The following SIPA1L3 variants were observed in gnomAD, a reference collection of about 807,000 sequenced individuals.
SIPA1L3 encodes signal-induced proliferation-associated 1-like protein 3.
Under a neutral mutation model 150.1 loss-of-function variants are expected in SIPA1L3, and 59 were observed. The ratio of observed to expected loss-of-function variants is 0.39; its 90% CI spans 0.32 to 0.49. The LOEUF (loss-of-function observed/expected upper bound fraction) is 0.49, where lower values mean the gene tolerates loss of function less well. Among genes scored for constraint, SIPA1L3 ranks in the 20% least tolerant of loss-of-function variants. The pLI, the probability that SIPA1L3 is intolerant of heterozygous loss-of-function variation, is 0.86. For missense variants in SIPA1L3, 2,211 were observed against 2,489.5 expected (o/e 0.89, Z 2.38); for synonymous variants, 1,070 against 1,077.6 (o/e 0.99, Z 0.14).
chr19:37,947,074 G>T (rs1426994601), intron 1 of SIPA1L3, among the ~76,000 whole-genome samples: 1 of 152,138 alleles, frequency 6.6e-6, no homozygotes, highest in East Asian at 1.9e-4. Context: ...CACACCTGTG[G>T]TCTCAGCTAC....
At chr19:38,097,048 A>C (rs994304232) in intron 4 of SIPA1L3, among the ~76,000 whole-genome samples, 2 of 152,132 alleles carry the variant, frequency 1.3e-5, no homozygotes, top group Non-Finnish European at 2.9e-5. Flanking sequence ...GCTAGATAAC[A>C]AAAGAATACA....
chr19:37,968,450 GT>G, intron 1 of SIPA1L3, among the ~76,000 whole-genome samples: 1 of 152,204 alleles, frequency 6.6e-6, no homozygotes, highest in Middle Eastern at 3.4e-3. Context: ...TCCATTTCTG[GT>G]TTTCATTCCA....
In SIPA1L3 at chr19:38,082,439, G is replaced by C; in HGVS notation, c.874G>C (p.Gly292Arg). 2 of 1,590,824 alleles carry C rather than the reference G, an allele frequency of 1.3e-6. No homozygotes were observed. Among genetic ancestry groups the C allele is most frequent in the Non-Finnish European group, 1.7e-6 (2 of 1,171,000 alleles). The change falls in exon 3 of 22, where the codon GGC becomes CGC. Residue 292 changes from glycine (G) to arginine (R), a missense_variant. Transcript: ENST00000222345. ...KARKKPARGL[G>R]GGDTVDSSIF... ...CCGGAAGAAACCTGCGCGGGGCCTC[G>C]GCGGCGGGGACACGGTGGACTCGTC...
At position 38,116,525 on chromosome 19, in the gene SIPA1L3, C is replaced by CAA. The variant is rs1197701775; in HGVS notation, c.2292-2766_2292-2765dup. ...GCAACAGAGCAGCAAGACTCTGTCT[C>CAA]AAAAAAAAAAAAAAAAGAAAGAAAG... is the stretch of plus-strand genomic sequence containing the variant. On this transcript the variant is annotated intron_variant, in intron 8 of 21. Coordinates refer to ENST00000222345, the MANE Select transcript of SIPA1L3 (RefSeq NM_015073.3). Among the ~76,000 whole-genome samples the CAA allele has an allele frequency of 4.8e-4, 40 of 83,414 alleles. 1 individual carries two copies. Among genetic ancestry groups the CAA allele is most frequent in the African/African-American group, 1.3e-3 (28 of 21,246 alleles). 54.7% of individuals were successfully genotyped at this position (83,414 alleles called of 152,430 possible).
At chr19:38,129,241 G>A (rs1244526197) in intron 9 of SIPA1L3, among the ~76,000 whole-genome samples, 2 of 152,188 alleles carry the variant, frequency 1.3e-5, no homozygotes, top group African/African-American at 4.8e-5. Context: ...GAAGCAGGGA[G>A]TCCTGGAGGC....
At chr19:38,192,346 G>T in intron 17 of SIPA1L3, 36 bp downstream of exon 17, 1 of 1,543,092 alleles carries the variant, frequency 6.5e-7, no homozygotes, top group East Asian at 2.3e-5. Flanking sequence ...CCGACCCCCA[G>T]CTCCCAAGGG....
intron 2 of SIPA1L3, among the ~76,000 whole-genome samples, chr19:38,068,529 C>T (rs753132979): frequency 2.0e-5 from 3 of 152,228 alleles, no homozygotes; most frequent in East Asian, 1.9e-4. Context: ...ACCTGCCCCT[C>T]GTAACCTTTG....
At chr19:38,144,868 G>A (rs1227827288) in intron 12 of SIPA1L3, among the ~76,000 whole-genome samples, 1 of 152,216 alleles carries the variant, frequency 6.6e-6, no homozygotes, top group Non-Finnish European at 1.5e-5. Flanking sequence ...CCTGGAGGAG[G>A]TGACATCTGA....
At chr19:38,002,979 A>G (rs990527742) in intron 1 of SIPA1L3, among the ~76,000 whole-genome samples, 17 of 151,744 alleles carry the variant, frequency 1.1e-4, no homozygotes, top group African/African-American at 3.6e-4. Context: ...CCCGATCTCT[A>G]CTAAAAATAC....
intron 10 of SIPA1L3, among the ~76,000 whole-genome samples, chr19:38,136,808 C>G (rs1231134947): frequency 6.6e-6 from 1 of 152,164 alleles, no homozygotes; most frequent in Non-Finnish European, 1.5e-5. Context: ...TTTCAGATCA[C>G]TGGGGAAGGC....
chr19:38,200,050 G>A (rs546689325), intron 19 of SIPA1L3: 19 of 151,856 alleles, frequency 1.3e-4, no homozygotes, highest in Non-Finnish European at 2.6e-4. Context: ...GCATCGTAGC[G>A]ACACCCTGTC....
chr19:37,925,083 A>G (rs530238571), intron 1 of SIPA1L3, among the ~76,000 whole-genome samples: 94 of 151,862 alleles, frequency 6.2e-4, no homozygotes, highest in Non-Finnish European at 1.1e-3. Flanking sequence ...ACTGTACATG[A>G]TTGTATGTGT....
intron 10 of SIPA1L3, among the ~76,000 whole-genome samples, chr19:38,138,492 T>C (rs1971487613): frequency 1.3e-5 from 2 of 152,164 alleles, no homozygotes; most frequent in Admixed American, 1.3e-4. Context: ...GGCATAGCCA[T>C]ATCCAGGGAC....
At chr19:38,156,403 C>G (rs1296266026) in intron 13 of SIPA1L3, among the ~76,000 whole-genome samples, 1 of 151,448 alleles carries the variant, frequency 6.6e-6, no homozygotes, top group South Asian at 2.1e-4. Context: ...CATTGCCCTT[C>G]CCTTCCCTCT....
chr19:38,162,515 A>G (rs899483566), intron 14 of SIPA1L3, 144 bp downstream of exon 14: 12 of 657,896 alleles, frequency 1.8e-5, no homozygotes, highest in Middle Eastern at 4.1e-4. Context: ...GTTGGAACCA[A>G]CCAGGTTCAC....
At chr19:38,072,435 C>T (rs964945327) in intron 2 of SIPA1L3, among the ~76,000 whole-genome samples, 2 of 152,218 alleles carry the variant, frequency 1.3e-5, no homozygotes, top group African/African-American at 4.8e-5. Context: ...ATAGGGCTGA[C>T]TTTGTGTCCA....
chr19:38,193,974 G>A (rs1356076084), intron 18 of SIPA1L3, among the ~76,000 whole-genome samples, 194 bp downstream of exon 18: 1 of 152,102 alleles, frequency 6.6e-6, no homozygotes, highest in East Asian at 1.9e-4. Flanking sequence ...AGGAGCAAGG[G>A]ATCATTGGCC....
At chr19:38,131,111 A>C (rs1600112013) in intron 10 of SIPA1L3, among the ~76,000 whole-genome samples, 1 of 152,174 alleles carries the variant, frequency 6.6e-6, no homozygotes, top group African/African-American at 2.4e-5. Context: ...CATTTGTTCA[A>C]AATGTGTTTA....
intron 19 of SIPA1L3, among the ~76,000 whole-genome samples, chr19:38,201,660 C>G (rs1340240860): frequency 6.6e-6 from 1 of 152,180 alleles, no homozygotes; most frequent in Admixed American, 6.5e-5. Context: ...CGATCGGAAT[C>G]AGGATGGGAT....
Sources: gnomAD v4.1 joint callset for allele counts (sites outside exome capture counted in the v4.1 genomes callset) on GRCh38, gnomAD v4.1.1 for gene constraint, MANE v1.5 for transcripts, NCBI Gene and HGNC (gene_info 2026-07-23, HGNC 2026-07-21) for gene names.